The following DCP2 variants were observed in gnomAD, a reference collection of about 807,000 sequenced individuals.
DCP2 encodes the protein m7GpppN-mRNA hydrolase.
In DCP2, 30 loss-of-function variants were observed where a neutral mutation model predicts 56.1. The ratio of observed to expected loss-of-function variants is 0.53; its 90% CI spans 0.40 to 0.73. The LOEUF (loss-of-function observed/expected upper bound fraction) is 0.73, where lower values mean the gene tolerates loss of function less well. Among genes scored for constraint, DCP2 ranks in the 30% least tolerant of loss-of-function variants. The pLI, the probability that DCP2 is intolerant of heterozygous loss-of-function variation, is 0.00. For missense variants in DCP2, 533 were observed against 502.7 expected (o/e 1.06, Z -0.58); for synonymous variants, 197 against 163.3 (o/e 1.21, Z -1.57).
chr5:112,993,257 C>T (rs1157591208), intron 4 of DCP2, among the ~76,000 whole-genome samples: 2 of 152,158 alleles, frequency 1.3e-5, no homozygotes, highest in African/African-American at 4.8e-5. Context: ...CAAATCTTAA[C>T]CATTTCTGAA....
chr5:112,996,223 T>C (rs1386136653), intron 4 of DCP2, among the ~76,000 whole-genome samples: 1 of 152,186 alleles, frequency 6.6e-6, no homozygotes, highest in African/African-American at 2.4e-5. Context: ...GGTGCTGCGG[T>C]ATAAAAGAAG....
At chr5:112,983,035 C>T (rs1748083747) in intron 1 of DCP2, among the ~76,000 whole-genome samples, 1 of 152,124 alleles carries the variant, frequency 6.6e-6, no homozygotes, top group African/African-American at 2.4e-5. Flanking sequence ...TGGTGGTTAT[C>T]AGTGTTGATT....
intron 1 of DCP2, among the ~76,000 whole-genome samples, chr5:112,978,581 A>G (rs75848090): frequency 0.13 from 20,267 of 152,140 alleles, 1,476 homozygotes; most frequent in Non-Finnish European, 0.18. Context: ...TGCAACTAAT[A>G]CAAATGGCGC....
intron 2 of DCP2, among the ~76,000 whole-genome samples, chr5:112,987,681 C>T (rs1748364107): frequency 7.7e-6 from 1 of 130,216 alleles, no homozygotes; most frequent in African/African-American, 3.0e-5. Flanking sequence ...GCCATGCTGG[C>T]CAGGCTGGTC....
intron 2 of DCP2, 116 bp downstream of exon 2, chr5:112,986,102 T>G: frequency 9.7e-7 from 1 of 1,028,422 alleles, no homozygotes; most frequent in Non-Finnish European, 1.3e-6. Context: ...CATACTTGAT[T>G]GCTAAAATTT....
intron 10 of DCP2, among the ~76,000 whole-genome samples, chr5:113,012,491 T>A (rs1051459670): frequency 2.6e-5 from 4 of 152,192 alleles, no homozygotes; most frequent in Admixed American, 6.5e-5. Flanking sequence ...TTTCAGACTT[T>A]CTTTCTACCC....
At chr5:112,981,957 G>A (rs969452904) in intron 1 of DCP2, among the ~76,000 whole-genome samples, 1 of 152,052 alleles carries the variant, frequency 6.6e-6, no homozygotes, top group Non-Finnish European at 1.5e-5. Context: ...GTGGAGACGG[G>A]GTTTCACCAT....
chr5:112,998,934 A>AT (rs1055426083), intron 4 of DCP2, among the ~76,000 whole-genome samples: 1 of 152,232 alleles, frequency 6.6e-6, no homozygotes, highest in Non-Finnish European at 1.5e-5. Flanking sequence ...GACAGTTCAT[A>AT]TTCACATTCA....
intron 4 of DCP2, among the ~76,000 whole-genome samples, chr5:112,994,904 T>G (rs1358831241): frequency 6.6e-6 from 1 of 152,116 alleles, no homozygotes; most frequent in Non-Finnish European, 1.5e-5. Context: ...TAAGACTGTT[T>G]GAAATGGTAG....
intron 2 of DCP2, among the ~76,000 whole-genome samples, chr5:112,988,287 C>G (rs1241676615): frequency 6.6e-6 from 1 of 150,578 alleles, no homozygotes; most frequent in Non-Finnish European, 1.5e-5. Flanking sequence ...TCGAGACCAT[C>G]CTGGCCAACA....
chr5:113,000,963 C>G, intron 4 of DCP2, 121 bp from the exon 5 acceptor site: 2 of 1,023,554 alleles, frequency 2.0e-6, no homozygotes, highest in Non-Finnish European at 2.8e-6. Flanking sequence ...CCTGTCATTT[C>G]TAGAAATAGT....
intron 10 of DCP2, among the ~76,000 whole-genome samples, chr5:113,012,041 T>C (rs1749698682): frequency 6.6e-6 from 1 of 152,216 alleles, no homozygotes; most frequent in Non-Finnish European, 1.5e-5. Context: ...TCTGGCCACC[T>C]TGGGTGGTGG....
intron 4 of DCP2, among the ~76,000 whole-genome samples, chr5:112,993,855 T>TTA (rs1748713240): frequency 6.6e-6 from 1 of 152,144 alleles, no homozygotes; most frequent in Admixed American, 6.5e-5. Flanking sequence ...TGTATGTGTA[T>TTA]CTATGTGTGT....
At chr5:113,009,670 A>G (rs1422571062) in intron 9 of DCP2, among the ~76,000 whole-genome samples, 1 of 152,222 alleles carries the variant, frequency 6.6e-6, no homozygotes, top group African/African-American at 2.4e-5. Flanking sequence ...TAAATACAGT[A>G]TCGTAGATCT....
intron 2 of DCP2, among the ~76,000 whole-genome samples, chr5:112,988,038 G>C (rs1011093532): frequency 1.2e-4 from 19 of 152,110 alleles, no homozygotes; most frequent in African/African-American, 4.6e-4. Flanking sequence ...CTCATTCTCA[G>C]CTACCTATCA....
intron 4 of DCP2, among the ~76,000 whole-genome samples, chr5:112,999,516 C>G (rs1181472485): frequency 1.3e-5 from 2 of 151,818 alleles, no homozygotes; most frequent in South Asian, 4.2e-4. Context: ...TTAGTAGAGA[C>G]GGAGTTTCTC....
chr5:113,019,854 C>T lies in DCP2; in HGVS notation c.*6370C>T, dbSNP rs1247084565. On this transcript the variant is annotated 3_prime_UTR_variant, in exon 11 of 11. Transcript: ENST00000389063. ...CCATCTCATTTCAGAATAAAATAAACGGAATTACAGTTCATGCATTAGCAT... is the reference window on the plus strand; with the variant it reads ...CCATCTCATTTCAGAATAAAATAAATGGAATTACAGTTCATGCATTAGCAT... 5 of 152,036 alleles carry T rather than the reference C, an allele frequency of 3.3e-5. No individual in the cohort carries two copies. Among genetic ancestry groups the T allele is most frequent in the South Asian group, 2.1e-4 (1 of 4,828 alleles). 9.4% of individuals were successfully genotyped at this position (152,036 alleles called of 1,614,324 possible). A position where few individuals can be genotyped will look rare whatever the true frequency, so the allele number is the denominator to read the frequency against.
At chr5:112,994,768 G>C (rs1748772464) in intron 4 of DCP2, among the ~76,000 whole-genome samples, 1 of 152,106 alleles carries the variant, frequency 6.6e-6, no homozygotes, top group Non-Finnish European at 1.5e-5. Flanking sequence ...TTGTTACCCA[G>C]TACCCTAGAG....
intron 7 of DCP2, among the ~76,000 whole-genome samples, chr5:113,002,436 A>G (rs919038789): frequency 1.7e-4 from 26 of 151,928 alleles, no homozygotes; most frequent in African/African-American, 6.1e-4. Flanking sequence ...AAAAAAAAAA[A>G]AAATTGTGTC....
Sources: gnomAD v4.1 joint callset for allele counts (sites outside exome capture counted in the v4.1 genomes callset) on GRCh38, gnomAD v4.1.1 for gene constraint, MANE v1.5 for transcripts, NCBI Gene and HGNC (gene_info 2026-07-23, HGNC 2026-07-21) for gene names.